RAB27B: variants seen among roughly 807,000 people sequenced by gnomAD.
RAB27B encodes the protein RAB27B, member RAS oncogene family.
Under a neutral mutation model 24.6 loss-of-function variants are expected in RAB27B, and 15 were observed. That is an observed-to-expected ratio of 0.61 (90% CI 0.41 to 0.94). The LOEUF (loss-of-function observed/expected upper bound fraction) is 0.94, where lower values mean the gene tolerates loss of function less well. RAB27B is among the 40% of genes least tolerant of loss of function. The probability of loss-of-function intolerance (pLI) is 0.00; values close to 1 mark genes in which losing one functional copy is unlikely to be tolerated. For missense variants in RAB27B, 261 were observed against 266.8 expected (o/e 0.98, Z 0.15); for synonymous variants, 105 against 92.5 (o/e 1.14, Z -0.78).
chr18:54,884,023 C>A (rs1190212270), intron 3 of RAB27B, among the ~76,000 whole-genome samples: 1 of 151,946 alleles, frequency 6.6e-6, no homozygotes. Context: ...AAATGTGGAC[C>A]ACAAAATGCC....
Position 54,843,875 on chromosome 18 carries a change from G to A in RAB27B, c.-20+15175G>A, listed in dbSNP as rs533238349. On this transcript the variant is annotated intron_variant, in intron 1 of 5. Coordinates refer to ENST00000262094, the MANE Select transcript of RAB27B (RefSeq NM_004163.4). ...AACATTAAAAATCATGAATATTTGGGCAACGGTCCCTCCTACACTATAATC... is the reference window on the plus strand; with the variant it reads ...AACATTAAAAATCATGAATATTTGGACAACGGTCCCTCCTACACTATAATC... Among the ~76,000 whole-genome samples the A allele has an allele frequency of 9.9e-5, 15 of 152,182 alleles. No homozygotes were observed. In the South Asian group the frequency reaches 2.9e-3, roughly 30 times the overall value.
At chr18:54,867,442 C>CT (rs548288719) in intron 1 of RAB27B, among the ~76,000 whole-genome samples, 33,855 of 99,878 alleles carry the variant, frequency 0.34, 6,651 homozygotes, top group Non-Finnish European at 0.43. Context: ...CTTTTCTTTT[C>CT]TTTTTTTTTT....
chr18:54,767,471 T>C (rs1459788870), intron 2 of RAB27B, among the ~76,000 whole-genome samples: 1 of 152,182 alleles, frequency 6.6e-6, no homozygotes, highest in Non-Finnish European at 1.5e-5. Flanking sequence ...CACCAGTAGA[T>C]GGTGATTAAT....
intron 2 of RAB27B, among the ~76,000 whole-genome samples, chr18:54,743,581 A>C (rs1910137789): frequency 6.6e-6 from 1 of 152,186 alleles, no homozygotes; most frequent in Non-Finnish European, 1.5e-5. Context: ...GGGAAAAAGC[A>C]CCTAAGGCAG....
At chr18:54,862,501 G>T (rs1232941046) in intron 1 of RAB27B, among the ~76,000 whole-genome samples, 1 of 152,130 alleles carries the variant, frequency 6.6e-6, no homozygotes, top group Non-Finnish European at 1.5e-5. Context: ...GTGCTGAAGG[G>T]GTTTACAGAG....
chr18:54,853,725 C>A (rs1911674223), intron 1 of RAB27B, among the ~76,000 whole-genome samples: 1 of 152,024 alleles, frequency 6.6e-6, no homozygotes, highest in Non-Finnish European at 1.5e-5. Flanking sequence ...GTTAGTAATT[C>A]CCTTCATCCA....
At chr18:54,809,166 G>A (rs761893728) in intron 2 of RAB27B, among the ~76,000 whole-genome samples, 1 of 152,142 alleles carries the variant, frequency 6.6e-6, no homozygotes, top group African/African-American at 2.4e-5. Flanking sequence ...CTCCCACCTT[G>A]CCTCAGGGAA....
intron 2 of RAB27B, among the ~76,000 whole-genome samples, chr18:54,793,485 CAG>C (rs34163027): frequency 0.44 from 66,003 of 151,284 alleles, 14,975 homozygotes; most frequent in African/African-American, 0.57. Context: ...TGACAGTCAA[CAG>C]AGAGAGAGAG....
chr18:54,854,742 C>T (rs1899088522), intron 1 of RAB27B, among the ~76,000 whole-genome samples: 1 of 152,102 alleles, frequency 6.6e-6, no homozygotes, highest in Non-Finnish European at 1.5e-5. Context: ...TTAATGGTAC[C>T]ACACAAGCTT....
At chr18:54,811,482 T>G (rs1019269176) in intron 2 of RAB27B, among the ~76,000 whole-genome samples, 1 of 152,336 alleles carries the variant, frequency 6.6e-6, no homozygotes, top group African/African-American at 2.4e-5. Context: ...CTTTTGAGTC[T>G]TCGATCAGTC....
rs1377295549 is a variant in RAB27B, at chr18:54,892,796, T to C, written c.*3383T>C. The stretch of plus-strand genomic sequence containing the variant: ...TTTCTAAAGTAAACATTTTATCTGT[T>C]ACTTTTAACCAGATAGGTGTCTTTG... On this transcript the variant is annotated 3_prime_UTR_variant, in exon 6 of 6. Transcript: ENST00000262094. The C allele has an allele frequency of 6.6e-6, 1 of 152,088 alleles. No homozygotes were observed. Among genetic ancestry groups the C allele is most frequent in the African/African-American group, 2.4e-5 (1 of 41,448 alleles). The allele number at this position is 152,088 out of a possible 1,614,324, so 9.4% of individuals were successfully genotyped here.
chr18:54,822,255 T>A (rs1246697179), intron 2 of RAB27B, among the ~76,000 whole-genome samples: 1 of 152,196 alleles, frequency 6.6e-6, no homozygotes, highest in East Asian at 1.9e-4. Context: ...GAAATTATAT[T>A]AATCAATGTT....
intron 2 of RAB27B, among the ~76,000 whole-genome samples, chr18:54,761,014 T>C (rs764777683): frequency 8.3e-4 from 125 of 151,174 alleles, no homozygotes; most frequent in Non-Finnish European, 1.7e-3. Flanking sequence ...TTTTTTTAAC[T>C]GAATATCAAG....
At chr18:54,826,949 C>G (rs1025614236), upstream of RAB27B, among the ~76,000 whole-genome samples, 1 of 152,142 alleles carries the variant, frequency 6.6e-6, no homozygotes, top group Non-Finnish European at 1.5e-5. Context: ...AACACATGAA[C>G]TAGATAAAGA....
At chr18:54,767,552 C>G (rs1271230870) in intron 2 of RAB27B, among the ~76,000 whole-genome samples, 1 of 152,160 alleles carries the variant, frequency 6.6e-6, no homozygotes, top group East Asian at 1.9e-4. Flanking sequence ...TCAAGGTGTT[C>G]ATAAACACAA....
intron 2 of RAB27B, among the ~76,000 whole-genome samples, chr18:54,760,114 C>T (rs556400915): frequency 6.6e-6 from 1 of 152,138 alleles, no homozygotes; most frequent in East Asian, 1.9e-4. Context: ...TGTGGATACC[C>T]CCCAGAAGCT....
intron 1 of RAB27B, among the ~76,000 whole-genome samples, chr18:54,871,895 T>C (rs187356767): frequency 1.4e-3 from 207 of 151,042 alleles, no homozygotes; most frequent in African/African-American, 4.8e-3. Context: ...TTTCTGTTAA[T>C]TTAATACGTT....
intron 2 of RAB27B, among the ~76,000 whole-genome samples, chr18:54,761,244 G>C (rs1234079431): frequency 6.6e-6 from 1 of 152,030 alleles, no homozygotes; most frequent in Non-Finnish European, 1.5e-5. Flanking sequence ...GTAAGTCTTT[G>C]CTTTCCTTTT....
intron 2 of RAB27B, among the ~76,000 whole-genome samples, chr18:54,774,047 C>G (rs74752586): frequency 6.6e-6 from 1 of 151,976 alleles, no homozygotes; most frequent in Non-Finnish European, 1.5e-5. Context: ...ATTTTTTTTC[C>G]TATTATTGTC....
Sources: gnomAD v4.1 joint callset for allele counts (sites outside exome capture counted in the v4.1 genomes callset) on GRCh38, gnomAD v4.1.1 for gene constraint, MANE v1.5 for transcripts, NCBI Gene and HGNC (gene_info 2026-07-23, HGNC 2026-07-21) for gene names.